The following PAXIP1 variants were observed in gnomAD, a reference collection of about 807,000 sequenced individuals.
PAXIP1 encodes the protein PAX interacting protein 1, also known as PAX-interacting protein 1.
A neutral mutation model predicts 140.6 loss-of-function variants in PAXIP1; 19 were observed. The observed-to-expected ratio is 0.14, with a 90% CI of 0.09 to 0.20. The LOEUF is 0.20. Among genes scored for constraint, PAXIP1 ranks in the 10% least tolerant of loss-of-function variants. The probability of loss-of-function intolerance (pLI) is 1.00; values close to 1 mark genes in which losing one functional copy is unlikely to be tolerated. For missense variants in PAXIP1, 920 were observed against 1,208.6 expected (o/e 0.76, Z 3.54); for synonymous variants, 442 against 444.6 (o/e 0.99, Z 0.07).
chr7:154,994,948 C>G (rs1810504043), intron 2 of PAXIP1, among the ~76,000 whole-genome samples: 1 of 152,014 alleles, frequency 6.6e-6, no homozygotes. Context: ...TAGAAAAATT[C>G]CAGTTAAATT....
intron 11 of PAXIP1, among the ~76,000 whole-genome samples, 175 bp downstream of exon 11, chr7:154,961,352 T>A (rs919663856): frequency 1.3e-5 from 2 of 152,242 alleles, no homozygotes; most frequent in Non-Finnish European, 2.9e-5. Flanking sequence ...TTAATTCAAA[T>A]GTTTTCTAGG....
chr7:154,978,945 A>G (rs1370051818), intron 5 of PAXIP1, among the ~76,000 whole-genome samples: 1 of 152,176 alleles, frequency 6.6e-6, no homozygotes, highest in African/African-American at 2.4e-5. Flanking sequence ...CACATTTCAG[A>G]AATAACTTGA....
intron 17 of PAXIP1, 106 bp downstream of exon 17, chr7:154,947,797 C>T: frequency 2.4e-6 from 2 of 821,176 alleles, no homozygotes; most frequent in Non-Finnish European, 4.3e-6. Flanking sequence ...AGGGTGAGCC[C>T]AGCTCCCCTG....
At chr7:154,970,846 A>G (rs547288294) in intron 6 of PAXIP1, among the ~76,000 whole-genome samples, 9 of 152,330 alleles carry the variant, frequency 5.9e-5, no homozygotes, top group Non-Finnish European at 8.8e-5. Flanking sequence ...CTTTGGTATC[A>G]TTTGAATTTT....
At chr7:154,993,700 C>T in intron 3 of PAXIP1, 26 bp downstream of exon 3, 9 of 1,561,920 alleles carry the variant, frequency 5.8e-6, no homozygotes, top group Non-Finnish European at 7.9e-6. Context: ...CCCTTTCCCT[C>T]CTCCCCCACT....
chr7:154,961,034 G>C lies in PAXIP1; in HGVS notation c.2293C>G (p.Pro765Ala). The C allele has an allele frequency of 6.3e-7, 1 of 1,599,492 alleles. No homozygotes were observed. The highest frequency in any genetic ancestry group is 8.5e-7 in the Non-Finnish European group (1 of 1,172,538). The change falls in exon 12 of 21, where the codon CCC (proline) becomes GCC (alanine). Residue 765 changes from proline to alanine, a missense_variant. This residue lies in a region of PAXIP1 where 303 missense variants were observed against 517.9 expected (regional missense o/e 0.59). Coordinates refer to ENST00000404141, the MANE Select transcript of PAXIP1 (RefSeq NM_007349.4). ...KYEKAKEWRIPCVNAQWLGDI... is the reference protein window; with the variant it reads ...KYEKAKEWRIACVNAQWLGDI... ...CCAAGCCACTGGGCGTTGACACAGG[G>C]TATCCTCCACTCTTTGGCTTTTTCA...
chr7:154,963,860 A>T lies in PAXIP1; in HGVS notation c.1894-94T>A, dbSNP rs1044410328. ...AAGGCAGCTATTAAAAGACTCTATC[A>T]TATATTTATATCATGTATTTCCTCA... is the stretch of plus-strand genomic sequence containing the variant. On this transcript the variant is annotated intron_variant, in intron 8 of 20. Transcript: ENST00000404141. This position sits in a 1 kb window ranked among gnomAD's most constrained non-coding sequence, Gnocchi z 4.1. 1 of 779,894 alleles carries T rather than the reference A, an allele frequency of 1.3e-6. No homozygotes were observed. 48.3% of individuals were successfully genotyped at this position (779,894 alleles called of 1,614,324 possible). A position where few individuals can be genotyped will look rare whatever the true frequency, so the allele number is the denominator to read the frequency against.
intron 17 of PAXIP1, chr7:154,947,090 C>A: frequency 3.6e-6 from 1 of 280,918 alleles, no homozygotes; most frequent in Non-Finnish European, 6.7e-6. Flanking sequence ...TGTGAATAAG[C>A]AAGAATATTA....
chr7:154,962,657 T>G (rs1186068275), intron 9 of PAXIP1, 199 bp from the exon 10 acceptor site: 6 of 470,454 alleles, frequency 1.3e-5, no homozygotes, highest in African/African-American at 3.9e-5. Context: ...AATGTTACTA[T>G]CCATCTGCAA....
chr7:154,961,863 G>T (rs1808768592), intron 10 of PAXIP1, among the ~76,000 whole-genome samples: 1 of 152,176 alleles, frequency 6.6e-6, no homozygotes, highest in African/African-American at 2.4e-5. Context: ...GGAAGAAAAA[G>T]AATGAACATG....
intron 6 of PAXIP1, among the ~76,000 whole-genome samples, chr7:154,971,158 TG>T (rs1809299558): frequency 6.6e-6 from 1 of 152,220 alleles, no homozygotes; most frequent in South Asian, 2.1e-4. Context: ...GTGCTCCATC[TG>T]ATCTCAGAGG....
chr7:154,999,690 C>A (rs138431260), intron 1 of PAXIP1, among the ~76,000 whole-genome samples: 227 of 152,278 alleles, frequency 1.5e-3, no homozygotes, highest in Non-Finnish European at 2.5e-3. Flanking sequence ...GGTGGGGACA[C>A]AAGGACGTGT....
At chr7:154,990,586 T>C (rs750829224) in intron 4 of PAXIP1, among the ~76,000 whole-genome samples, 4 of 152,256 alleles carry the variant, frequency 2.6e-5, no homozygotes, top group Non-Finnish European at 5.9e-5. Context: ...TCAAATGTTT[T>C]GTTACACTTA....
At chr7:154,996,649 C>G (rs1303606191) in intron 2 of PAXIP1, among the ~76,000 whole-genome samples, 1 of 152,184 alleles carries the variant, frequency 6.6e-6, no homozygotes, top group Admixed American at 6.5e-5. Flanking sequence ...CAGCTACCGG[C>G]AGTGACTCTA....
intron 16 of PAXIP1, chr7:154,950,024 G>C (rs1303089593): frequency 2.0e-5 from 3 of 152,166 alleles, no homozygotes; most frequent in African/African-American, 7.2e-5. Context: ...CTTAGTAGTA[G>C]CAATGTAAAG....
Position 154,968,660 on chromosome 7 carries a change from AGCT to A in PAXIP1, c.1538_1540del (p.Gln513del). 3 of 712,604 alleles carry A rather than the reference AGCT, an allele frequency of 4.2e-6. No individual in the cohort carries two copies. The highest frequency in any genetic ancestry group is 1.5e-5 in the South Asian group (1 of 67,174). 44.1% of individuals were successfully genotyped at this position (712,604 alleles called of 1,614,324 possible). A position where few individuals can be genotyped will look rare whatever the true frequency, so the allele number is the denominator to read the frequency against. ...GCTGTGCTGCTGCTGGAGCTGGGCA[AGCT>A]GCTGCTGCTGGAGCTGGTGCTGCTG... On this transcript the variant is annotated inframe_deletion, in exon 7 of 21. Coordinates refer to ENST00000404141, the MANE Select transcript of PAXIP1 (RefSeq NM_007349.4).
At chr7:154,984,823 C>T (rs773836252) in intron 4 of PAXIP1, among the ~76,000 whole-genome samples, 1 of 152,130 alleles carries the variant, frequency 6.6e-6, no homozygotes, top group Non-Finnish European at 1.5e-5. Flanking sequence ...GCCTTTATTA[C>T]CAAGATTTGC....
chr7:154,967,766 G>T, intron 8 of PAXIP1, 50 bp downstream of exon 8: 1 of 1,287,688 alleles, frequency 7.8e-7, no homozygotes, highest in Non-Finnish European at 1.1e-6. Context: ...ATCTACATAA[G>T]AAAGAAGCAT....
At chr7:154,994,757 C>T (rs899078792) in intron 2 of PAXIP1, among the ~76,000 whole-genome samples, 2 of 152,124 alleles carry the variant, frequency 1.3e-5, no homozygotes, top group African/African-American at 4.8e-5. Flanking sequence ...GAATATTAAA[C>T]ATTTTATAAA....
Sources: allele counts gnomAD v4.1 joint callset (sites outside exome capture counted in the v4.1 genomes callset), GRCh38; gene constraint gnomAD v4.1.1; regional missense constraint gnomAD v4.1.1; non-coding constraint Gnocchi (gnomAD v3.1); transcripts MANE v1.5; gene names NCBI Gene and HGNC (gene_info 2026-07-23, HGNC 2026-07-21).